Variants in ZNF385D observed in about 807,000 individuals in gnomAD.
ZNF385D encodes the protein zinc finger protein 385D.
Under a neutral mutation model 35.8 loss-of-function variants are expected in ZNF385D, and 15 were observed. The observed-to-expected ratio is 0.42, with a 90% CI of 0.28 to 0.64. The LOEUF is 0.64. ZNF385D is among the 30% of genes least tolerant of loss of function. ZNF385D has a pLI of 0.23. For synonymous variants in ZNF385D, 212 were observed against 186.8 expected, an observed-to-expected ratio of 1.13 and a Z score of -1.10; for missense variants, 474 against 494.6, an observed-to-expected ratio of 0.96 and a Z score of 0.39.
intron 3 of ZNF385D, among the ~76,000 whole-genome samples, chr3:21,856,497 TC>T (rs1426674457): frequency 1.3e-5 from 2 of 152,104 alleles, no homozygotes. Context: ...CAACTCTTGA[TC>T]TTTTCAAAAT....
chr3:21,908,370 T>A (rs1699803027), intron 3 of ZNF385D, among the ~76,000 whole-genome samples: 1 of 152,092 alleles, frequency 6.6e-6, no homozygotes, highest in Admixed American at 6.6e-5. Context: ...CCTTTCCTAT[T>A]GAGATTGGTA....
intron 4 of ZNF385D, among the ~76,000 whole-genome samples, chr3:21,442,678 T>TC (rs1303505234): frequency 2.6e-5 from 4 of 151,706 alleles, no homozygotes; most frequent in African/African-American, 9.7e-5. Flanking sequence ...TTTTTTTTTT[T>TC]TCTTGTAAAA....
At chr3:21,979,742 A>T (rs1295211320) in intron 3 of ZNF385D, 1 of 152,230 alleles carries the variant, frequency 6.6e-6, no homozygotes, top group Non-Finnish European at 1.5e-5. Context: ...AGATTGGAAG[A>T]TGAAGAGGAG....
At chr3:21,667,580 A>G (rs961987907) in intron 1 of ZNF385D, among the ~76,000 whole-genome samples, 1 of 152,238 alleles carries the variant, frequency 6.6e-6, no homozygotes, top group Middle Eastern at 3.2e-3. Context: ...AACATCATGT[A>G]GAGAAAAAGA....
intron 3 of ZNF385D, among the ~76,000 whole-genome samples, chr3:21,771,510 G>A (rs941593189): frequency 6.6e-6 from 1 of 151,716 alleles, no homozygotes; most frequent in African/African-American, 2.4e-5. Flanking sequence ...AACAGAAATT[G>A]TTCCTAAAAA....
At chr3:22,030,256 CATAT>C (rs71044967) in intron 3 of ZNF385D, among the ~76,000 whole-genome samples, 670 of 21,630 alleles carry the variant, frequency 0.031, 6 homozygotes, top group Non-Finnish European at 0.044. Flanking sequence ...TAAACTCATT[CATAT>C]ATATATATAT....
At chr3:22,225,439 T>A (rs1698498060) in intron 2 of ZNF385D, among the ~76,000 whole-genome samples, 1 of 152,108 alleles carries the variant, frequency 6.6e-6, no homozygotes, top group Non-Finnish European at 1.5e-5. Context: ...GAGAATTAAA[T>A]TTCTTTCCCC....
At chr3:21,759,001 A>AAAAAAAAAAC (rs1559593528) in intron 3 of ZNF385D, among the ~76,000 whole-genome samples, 4 of 133,226 alleles carry the variant, frequency 3.0e-5, no homozygotes, top group Admixed American at 7.3e-5. Flanking sequence ...AAAAAAAAAA[A>AAAAAAAAAAC]AAAAACAGTG....
intron 2 of ZNF385D, among the ~76,000 whole-genome samples, chr3:22,180,148 A>G (rs1329401249): frequency 1.3e-5 from 2 of 152,260 alleles, no homozygotes; most frequent in African/African-American, 4.8e-5. Context: ...ATCAGAGAAT[A>G]CTATAAACAC....
At chr3:22,170,619 A>T (rs1694345418) in intron 2 of ZNF385D, among the ~76,000 whole-genome samples, 1 of 152,202 alleles carries the variant, frequency 6.6e-6, no homozygotes, top group African/African-American at 2.4e-5. Context: ...TTAAATATGC[A>T]ATTTAAATGG....
intron 2 of ZNF385D, among the ~76,000 whole-genome samples, chr3:21,649,045 T>A (rs1201911649): frequency 6.6e-6 from 1 of 152,124 alleles, no homozygotes; most frequent in Non-Finnish European, 1.5e-5. Flanking sequence ...AAACCCATGG[T>A]CTTAAGCACC....
intron 3 of ZNF385D, among the ~76,000 whole-genome samples, chr3:22,095,539 G>A (rs1440948699): frequency 6.6e-6 from 1 of 151,914 alleles, no homozygotes; most frequent in African/African-American, 2.4e-5. Flanking sequence ...TCTAGATGAT[G>A]TGATCTGTGA....
At chr3:22,187,384 A>T (rs1372273655) in intron 2 of ZNF385D, among the ~76,000 whole-genome samples, 3 of 152,186 alleles carry the variant, frequency 2.0e-5, no homozygotes, top group African/African-American at 4.8e-5. Context: ...TGGGTGGCTT[A>T]AACTATTTAA....
intron 3 of ZNF385D, among the ~76,000 whole-genome samples, chr3:22,136,795 G>A (rs1406550808): frequency 6.6e-6 from 1 of 152,034 alleles, no homozygotes; most frequent in African/African-American, 2.4e-5. Context: ...AAGACATGGA[G>A]GAAACTTAAG....
At chr3:21,805,249 T>A (rs1281899764) in intron 3 of ZNF385D, among the ~76,000 whole-genome samples, 1 of 152,214 alleles carries the variant, frequency 6.6e-6, no homozygotes, top group Non-Finnish European at 1.5e-5. Flanking sequence ...TTAATTCAAA[T>A]TAGGGTAGTG....
intron 3 of ZNF385D, among the ~76,000 whole-genome samples, chr3:22,085,877 C>G (rs528194134): frequency 6.6e-6 from 1 of 152,172 alleles, no homozygotes; most frequent in East Asian, 1.9e-4. Context: ...AGCTTCATCC[C>G]TGAGTTGCAA....
intron 2 of ZNF385D, among the ~76,000 whole-genome samples, chr3:21,575,358 C>T (rs1310631421): frequency 6.6e-6 from 1 of 152,132 alleles, no homozygotes; most frequent in African/African-American, 2.4e-5. Flanking sequence ...AAGATATACA[C>T]AAGTTCATTT....
rs115469988 is a variant in ZNF385D, at chr3:22,119,842, G to A, written c.325+48975C>T. On this transcript the variant is annotated intron_variant, in intron 3 of 5. Transcript: ENST00000494108. ...GCATCTACTGCATATTAGGTATTGC[G>A]GCTTTTTAATTTTTTCATTTTTTGA... is the stretch of plus-strand genomic sequence containing the variant. 2.5e-3 allele frequency among the ~76,000 whole-genome samples: 384 copies of A among 151,848 alleles called. 1 individual carries two copies. The highest frequency in any genetic ancestry group is 8.9e-3 in the African/African-American group (370 of 41,446).
At chr3:22,214,292 T>C (rs1038510321) in intron 2 of ZNF385D, among the ~76,000 whole-genome samples, 3 of 152,092 alleles carry the variant, frequency 2.0e-5, no homozygotes, top group African/African-American at 7.2e-5. Flanking sequence ...CTTTTAGTCT[T>C]ATTATCTGTA....
Sources: allele counts gnomAD v4.1 joint callset (sites outside exome capture counted in the v4.1 genomes callset), GRCh38; gene constraint gnomAD v4.1.1; transcripts MANE v1.5; gene names NCBI Gene and HGNC (gene_info 2026-07-23, HGNC 2026-07-21).